SHROOM3: variants seen among roughly 807,000 people sequenced by gnomAD.
SHROOM3 encodes shroom family member 3, also known as protein Shroom3.
Under a neutral mutation model 138.6 loss-of-function variants are expected in SHROOM3, and 47 were observed. The observed-to-expected ratio is 0.34, with a 90% CI of 0.27 to 0.43. The LOEUF (loss-of-function observed/expected upper bound fraction) is 0.43. Among genes scored for constraint, SHROOM3 ranks in the 20% least tolerant of loss-of-function variants. The probability of loss-of-function intolerance (pLI) is 1.00; values close to 1 mark genes in which losing one functional copy is unlikely to be tolerated. For missense variants in SHROOM3, 2,491 were observed against 2,596.5 expected (o/e 0.96, Z 0.88); for synonymous variants, 1,062 against 1,063.3 (o/e 1.00, Z 0.02).
chr4:76,755,321 C>G (rs1721770645), intron 7 of SHROOM3, 129 bp downstream of exon 7: 1 of 1,126,214 alleles, frequency 8.9e-7, no homozygotes, highest in Non-Finnish European at 1.3e-6. Context: ...CAGCTCAGGA[C>G]ACTGTTGATC....
rs1160326942 is a variant in SHROOM3 at position 76,741,737 on chromosome 4, G to A, written c.3564G>A (p.Leu1188=). Residue 1188 remains leucine (L), a synonymous_variant, in exon 5 of 11, where the codon CTG becomes CTA. Transcript: ENST00000296043. This position sits in a 1 kb window ranked among gnomAD's most constrained non-coding sequence, Gnocchi z 6.2. ...RRLGERRRGD[L]LSGANGGTRG... is the part of the protein sequence containing the mutation. ...TCGGGGAACGGCGACGCGGGGACCT[G>A]CTTAGCGGAGCAAACGGTGGAACAA... 2.2e-5 allele frequency: 34 copies of A among 1,560,216 alleles called. No homozygotes were observed. Among genetic ancestry groups the A allele is most frequent in the Non-Finnish European group, 2.9e-5 (34 of 1,152,672 alleles).
At chr4:76,701,580 A>T (rs1176356876) in intron 2 of SHROOM3, among the ~76,000 whole-genome samples, 1 of 152,158 alleles carries the variant, frequency 6.6e-6, no homozygotes, top group African/African-American at 2.4e-5. Flanking sequence ...CTGGTATTAA[A>T]GTAATGAATA....
chr4:76,581,841 C>T (rs1327927932), intron 2 of SHROOM3, among the ~76,000 whole-genome samples: 1 of 152,116 alleles, frequency 6.6e-6, no homozygotes, highest in African/African-American at 2.4e-5. Context: ...ATCGTGAACC[C>T]CACGAAGTTC....
At chr4:76,545,209 C>G (rs1733187850) in intron 1 of SHROOM3, among the ~76,000 whole-genome samples, 1 of 152,032 alleles carries the variant, frequency 6.6e-6, no homozygotes, top group African/African-American at 2.4e-5. Context: ...TTAATTATCC[C>G]CAAACTTGTT....
intron 2 of SHROOM3, among the ~76,000 whole-genome samples, chr4:76,676,859 CGT>C (rs1317656381): frequency 6.8e-6 from 1 of 146,290 alleles, no homozygotes; most frequent in Non-Finnish European, 1.5e-5. Flanking sequence ...AGGAGAATGG[CGT>C]GAACCCGGGA....
intron 2 of SHROOM3, among the ~76,000 whole-genome samples, chr4:76,597,348 C>G (rs1270358258): frequency 2.6e-5 from 4 of 152,042 alleles, no homozygotes; most frequent in Non-Finnish European, 5.9e-5. Context: ...TAGACAAAAT[C>G]AATGTGGCTA....
rs1289515703 is a variant in SHROOM3 at position 76,689,290 on chromosome 4, G to A, written c.324-20866G>A. Among the ~76,000 whole-genome samples the A allele has an allele frequency of 3.4e-5, 5 of 147,330 alleles. No individual in the cohort carries two copies. In the East Asian group the frequency reaches 1.0e-3, roughly 30 times the overall value. ...AGGGAGCCTTCTTTGCCATTGAAAT[G>A]CAAATCCGGTCCTGAGCTCCCGGGC... On this transcript the variant is annotated intron_variant, in intron 2 of 10. Transcript: ENST00000296043.
intron 2 of SHROOM3, among the ~76,000 whole-genome samples, chr4:76,684,068 C>G (rs1207430497): frequency 6.6e-6 from 1 of 152,188 alleles, no homozygotes; most frequent in Non-Finnish European, 1.5e-5. Context: ...GGACATCTCT[C>G]CATGTCAGCA....
intron 1 of SHROOM3, among the ~76,000 whole-genome samples, chr4:76,446,077 TC>T (rs1246374051): frequency 6.6e-6 from 1 of 152,122 alleles, no homozygotes; most frequent in Non-Finnish European, 1.5e-5. Context: ...CACCGTACTG[TC>T]AGTAACTTGA....
Position 76,739,908 on chromosome 4 carries a change from C to G in SHROOM3, c.1735C>G (p.Gln579Glu). The G allele has an allele frequency of 6.2e-7, 1 of 1,614,198 alleles. No homozygotes were observed. The highest frequency in any genetic ancestry group is 1.1e-5 in the South Asian group (1 of 91,086). Reference sequence around the variant, plus strand: ...CCTGAAGAGACATCTCACACCTCCCCAAGGCAACAGCCCACATTCCAATGA... The same window carrying G: ...CCTGAAGAGACATCTCACACCTCCCGAAGGCAACAGCCCACATTCCAATGA... ...ASLKRHLTPP[Q>E]GNSPHSNERK... The change falls in exon 5 of 11, where the codon CAA becomes GAA. Residue 579 changes from glutamine to glutamate, a missense_variant. By Grantham distance (29) the Gln-to-Glu change is conservative. Around this residue, in one of 4 missense-constraint regions of SHROOM3, gnomAD observed 1,733 missense variants for 1,661.6 expected, o/e 1.04. Coordinates refer to ENST00000296043, the MANE Select transcript of SHROOM3 (RefSeq NM_020859.4).
Position 76,695,250 on chromosome 4 carries a change from C to G in SHROOM3, c.324-14906C>G, listed in dbSNP as rs550174992. ...CCACCTGTGAGGTGGTCCTCTCTGA[C>G]ATTGTCCGTTGCTCCTTACCCCCAA... On this transcript the variant is annotated intron_variant, in intron 2 of 10. Transcript: ENST00000296043. Among the ~76,000 whole-genome samples, 4 of 152,336 alleles carry G rather than the reference C, an allele frequency of 2.6e-5. No individual in the cohort carries two copies. The South Asian group carries it at 8.3e-4, about 32-fold the overall frequency.
At chr4:76,738,220 T>A (rs1721133930) in intron 4 of SHROOM3, among the ~76,000 whole-genome samples, 1 of 152,218 alleles carries the variant, frequency 6.6e-6, no homozygotes, top group African/African-American at 2.4e-5. Flanking sequence ...ACAAATTGTT[T>A]CTAGTGCAGT....
At chr4:76,505,549 A>G (rs563036780) in intron 1 of SHROOM3, among the ~76,000 whole-genome samples, 1 of 152,084 alleles carries the variant, frequency 6.6e-6, no homozygotes, top group East Asian at 1.9e-4. Context: ...AATTGAAAAT[A>G]TTTGGGAAAA....
At chr4:76,708,379 T>C (rs1720125551) in intron 2 of SHROOM3, among the ~76,000 whole-genome samples, 2 of 122,334 alleles carry the variant, frequency 1.6e-5, no homozygotes, top group Non-Finnish European at 3.3e-5. Context: ...GCCCAAGACA[T>C]TGTGCAAAAA....
intron 9 of SHROOM3, among the ~76,000 whole-genome samples, chr4:76,767,538 G>A (rs760974436): frequency 6.6e-6 from 1 of 152,138 alleles, no homozygotes. Flanking sequence ...TTAGCTGGGC[G>A]TGGTGGCGGG....
At chr4:76,469,976 A>C (rs1397607088) in intron 1 of SHROOM3, among the ~76,000 whole-genome samples, 1 of 152,232 alleles carries the variant, frequency 6.6e-6, no homozygotes, top group Non-Finnish European at 1.5e-5. Flanking sequence ...CTCCTTCTTT[A>C]AAGCTTCACT....
At chr4:76,541,904 G>T (rs1253064581) in intron 1 of SHROOM3, among the ~76,000 whole-genome samples, 2 of 152,150 alleles carry the variant, frequency 1.3e-5, no homozygotes, top group African/African-American at 4.8e-5. Flanking sequence ...ACTAAAACGG[G>T]ATGGAGCAGA....
intron 2 of SHROOM3, among the ~76,000 whole-genome samples, chr4:76,703,184 G>C (rs892326471): frequency 7.9e-5 from 12 of 152,124 alleles, no homozygotes; most frequent in Non-Finnish European, 1.3e-4. Flanking sequence ...TGTAGACCAG[G>C]GTAGGTAAGC....
intron 2 of SHROOM3, chr4:76,587,049 G>T (rs1734170433): frequency 6.6e-6 from 1 of 152,148 alleles, no homozygotes; most frequent in Non-Finnish European, 1.5e-5. Context: ...TTTCAGAGAA[G>T]GTCGGATTAT....
Sources: gnomAD v4.1 joint callset for allele counts (sites outside exome capture counted in the v4.1 genomes callset) on GRCh38, gnomAD v4.1.1 for gene constraint, gnomAD v4.1.1 regional missense constraint, Gnocchi (gnomAD v3.1) non-coding constraint, MANE v1.5 for transcripts, NCBI Gene and HGNC (gene_info 2026-07-23, HGNC 2026-07-21) for gene names.